The following NYX variants were observed in gnomAD, a reference collection of about 807,000 sequenced individuals.
NYX encodes the protein nyctalopin.
For synonymous variants in NYX, 258 were observed against 245.7 expected, an observed-to-expected ratio of 1.05 and a Z score of -0.47; for missense variants, 481 against 485.4, an observed-to-expected ratio of 0.99 and a Z score of 0.09.
At chrX:41,455,752 C>T (rs933379657) in intron 2 of NYX, among the ~76,000 whole-genome samples, 2 of 111,787 alleles carry the variant, frequency 1.8e-5, no homozygotes, top group Non-Finnish European at 3.8e-5. Context: ...AAATGAGTTT[C>T]ACCTTCTCTT....
chrX:41,474,397 C>T lies in NYX; in HGVS notation c.929C>T (p.Thr310Ile), dbSNP rs1262614477. ...CTGCACCTCAACGGCAACCGCCTCACCGTGCTCGCCTGGGTCGCCTTCCAG... is the reference window on the plus strand; with the variant it reads ...CTGCACCTCAACGGCAACCGCCTCATCGTGCTCGCCTGGGTCGCCTTCCAG... Reference protein sequence around the residue: ...LALHLNGNRLTVLAWVAFQPG... With the variant: ...LALHLNGNRLIVLAWVAFQPG... Residue 310 changes from threonine (T) to isoleucine (I), a missense_variant, in exon 3 of 3, where the codon ACC becomes ATC. By Grantham distance (89) the Thr-to-Ile change is moderately conservative. Coordinates refer to ENST00000378220, the MANE Select transcript of NYX (RefSeq NM_001378477.3). 2.5e-6 allele frequency: 3 copies of T among 1,208,078 alleles called. No homozygotes were observed. The East Asian group carries it at 8.9e-5, about 36-fold the overall frequency.
Position 41,474,856 on chromosome X carries a change from C to T in NYX, c.1388C>T (p.Pro463Leu). ...PWFLLASCLL[P>L]SVAQHVVFGL... ...TTTCTCCTCGCCTCTTGTCTCCTGC[C>T]CAGCGTGGCCCAGCACGTGGTGTTT... is the stretch of plus-strand genomic sequence containing the variant. Residue 463 changes from proline (P) to leucine (L), a missense_variant, in exon 3 of 3, where the codon CCC becomes CTC. By Grantham distance (98) the Pro-to-Leu change is moderately conservative (BLOSUM62 -3). Transcript: ENST00000378220. 1 of 1,206,525 alleles carries T rather than the reference C, an allele frequency of 8.3e-7. No homozygotes were observed. The highest frequency in any genetic ancestry group is 1.1e-6 in the Non-Finnish European group (1 of 893,869).
In NYX at chrX:41,471,840, T is replaced by A. The variant is rs1325974692; in HGVS notation, c.23-1651T>A. ...GTGTATATATATATATGTATTTTTT[T>A]TTTTTTTTCCCCTGGGGTAACTGGT... On this transcript the variant is annotated intron_variant, in intron 2 of 2. Coordinates refer to ENST00000378220, the MANE Select transcript of NYX (RefSeq NM_001378477.3). 3.0e-3 allele frequency among the ~76,000 whole-genome samples: 305 copies of A among 102,602 alleles called. 1 individual carries two copies. Among genetic ancestry groups the A allele is most frequent in the East Asian group, 0.015 (47 of 3,143 alleles). The allele number at this position is 102,602 out of a possible 115,157, so 89.1% of individuals were successfully genotyped here.
intron 2 of NYX, 113 bp downstream of exon 2, chrX:41,448,039 T>C: frequency 1.4e-6 from 1 of 737,073 alleles, no homozygotes; most frequent in South Asian, 2.3e-5. Context: ...TGGACACTTC[T>C]GATCAGGTTT....
Position 41,474,193 on chromosome X carries a change from C to A in NYX, c.725C>A (p.Ala242Asp), listed in dbSNP as rs1602180722. 1 of 1,169,483 alleles carries A rather than the reference C, an allele frequency of 8.6e-7. No individual in the cohort carries two copies. Among genetic ancestry groups the A allele is most frequent in the Non-Finnish European group, 1.1e-6 (1 of 879,178 alleles). Reference sequence around the variant, plus strand: ...GACAACCTGCTGGCCGAGCTCCCGGCCGACGCCTTCCGCGGCCTGCGGCGC... The same window carrying A: ...GACAACCTGCTGGCCGAGCTCCCGGACGACGCCTTCCGCGGCCTGCGGCGC... ...LNDNLLAELP[A>D]DAFRGLRRLR... The change falls in exon 3 of 3, where the codon GCC (alanine) becomes GAC (aspartate). Residue 242 changes from alanine to aspartate, a missense_variant. Coordinates refer to ENST00000378220, the MANE Select transcript of NYX (RefSeq NM_001378477.3).
In NYX at chrX:41,474,967, G is replaced by A; in HGVS notation, c.*68G>A. 5.2e-6 allele frequency: 5 copies of A among 969,808 alleles called. No individual in the cohort carries two copies. The highest frequency in any genetic ancestry group is 4.3e-6 in the Non-Finnish European group (3 of 693,878). 79.9% of individuals were successfully genotyped at this position (969,808 alleles called of 1,213,427 possible). The stretch of plus-strand genomic sequence containing the variant: ...TGTTTGTGGTAAGGGGAGAGGAGCC[G>A]GAATGGAGGGCAGAGGTGAAAATCC... On this transcript the variant is annotated 3_prime_UTR_variant, in exon 3 of 3. Transcript: ENST00000378220.
intron 2 of NYX, among the ~76,000 whole-genome samples, chrX:41,448,209 G>A (rs753140641): frequency 8.9e-6 from 1 of 111,773 alleles, no homozygotes; most frequent in South Asian, 3.8e-4. Flanking sequence ...TCATTGGTGT[G>A]ATAACCAAAA....
At chrX:41,463,492 G>A (rs1199628758) in intron 2 of NYX, among the ~76,000 whole-genome samples, 7 of 106,911 alleles carry the variant, frequency 6.5e-5, no homozygotes, top group Non-Finnish European at 1.2e-4. Flanking sequence ...GCGCAATCTC[G>A]GCTCACTGCA....
chrX:41,466,044 C>T (rs1005034230), intron 2 of NYX, among the ~76,000 whole-genome samples: 2 of 111,432 alleles, frequency 1.8e-5, no homozygotes, highest in Admixed American at 9.6e-5. Context: ...CCTCAATTTC[C>T]AGCCACTGTG....
chrX:41,474,640 C>T lies in NYX; in HGVS notation c.1172C>T (p.Thr391Met). 8.3e-6 allele frequency: 10 copies of T among 1,199,546 alleles called. No homozygotes were observed. Among genetic ancestry groups the T allele is most frequent in the South Asian group, 7.3e-5 (4 of 55,064 alleles). ...GACCCCGAGGAGCTGAACCTCACCA[C>T]GTCCAGTCCAGGCCCGTCCCCAGAA... The part of the protein sequence containing the change: ...CVDPEELNLT[T>M]SSPGPSPEPA... The change falls in exon 3 of 3, where the codon ACG (threonine) becomes ATG (methionine). Residue 391 changes from threonine (T) to methionine (M), a missense_variant. Transcript: ENST00000378220.
intron 2 of NYX, among the ~76,000 whole-genome samples, chrX:41,467,096 G>A (rs898958602): frequency 2.7e-5 from 3 of 109,889 alleles, no homozygotes; most frequent in Admixed American, 9.8e-5. Flanking sequence ...GAGCCACCAC[G>A]CCCAGCTAAA....
intron 2 of NYX, among the ~76,000 whole-genome samples, chrX:41,453,551 G>C (rs1569262689): frequency 9.2e-6 from 1 of 108,936 alleles, no homozygotes; most frequent in Admixed American, 9.9e-5. Flanking sequence ...CGCCTCCCAG[G>C]TTCAAGCTAT....
chrX:41,474,080 C>G lies in NYX; in HGVS notation c.612C>G (p.Arg204=), dbSNP rs1264479907. The G allele has an allele frequency of 9.2e-7, 1 of 1,086,564 alleles. No individual in the cohort carries two copies. The highest frequency in any genetic ancestry group is 1.2e-6 in the Non-Finnish European group (1 of 841,002). The allele number at this position is 1,086,564 out of a possible 1,213,427, so 89.5% of individuals were successfully genotyped here. A position where few individuals can be genotyped will look rare whatever the true frequency, so the allele number is the denominator to read the frequency against. Residue 204 remains arginine, a synonymous_variant, in exon 3 of 3, where the codon CGC becomes CGG. Coordinates refer to ENST00000378220, the MANE Select transcript of NYX (RefSeq NM_001378477.3). ...SSSLQGLRRL[R]SLSLQANRVR... is the part of the protein sequence containing the mutation. ...CGCTGCAGGGCCTGCGCCGCCTGCGCTCGCTCAGCCTGCAGGCCAACCGCG... is the reference window on the plus strand; with the variant it reads ...CGCTGCAGGGCCTGCGCCGCCTGCGGTCGCTCAGCCTGCAGGCCAACCGCG...
In NYX at chrX:41,455,537, C is replaced by A. The variant is rs144250174; in HGVS notation, c.22+7611C>A. Among the ~76,000 whole-genome samples the A allele has an allele frequency of 7.9e-4, 87 of 110,106 alleles. No individual in the cohort carries two copies. In the East Asian group the frequency reaches 0.021, roughly 26 times the overall value. On this transcript the variant is annotated intron_variant, in intron 2 of 2. Coordinates refer to ENST00000378220, the MANE Select transcript of NYX (RefSeq NM_001378477.3). The stretch of plus-strand genomic sequence containing the variant: ...TTTTAAGACCGAATGTTCTGGAAAG[C>A]CTTGCATGTGAATCCCGGGGTGATG...
chrX:41,473,208 G>A (rs1349360220), intron 2 of NYX, among the ~76,000 whole-genome samples: 1 of 111,964 alleles, frequency 8.9e-6, no homozygotes, highest in Non-Finnish European at 1.9e-5. Flanking sequence ...TGGTGGTACA[G>A]GCAGGAGGGA....
At chrX:41,471,465 T>G (rs1020462019) in intron 2 of NYX, among the ~76,000 whole-genome samples, 11 of 112,368 alleles carry the variant, frequency 9.8e-5, no homozygotes, top group Non-Finnish European at 1.5e-4. Context: ...TGCATTCATC[T>G]AAAGACATGT....
Position 41,474,997 on chromosome X carries a change from G to A in NYX, c.*98G>A, listed in dbSNP as rs1781303188. On this transcript the variant is annotated 3_prime_UTR_variant, in exon 3 of 3. Transcript: ENST00000378220. ...GGAGGGCAGAGGTGAAAATCCCAGT[G>A]GAGGGTGGAAGGAACCGTTTGCCTC... 6 of 826,968 alleles carry A rather than the reference G, an allele frequency of 7.3e-6. No homozygotes were observed. The highest frequency in any genetic ancestry group is 1.1e-5 in the Non-Finnish European group (6 of 570,662). The allele number at this position is 826,968 out of a possible 1,213,427, so 68.2% of individuals were successfully genotyped here. A position where few individuals can be genotyped will look rare whatever the true frequency, so the allele number is the denominator to read the frequency against.
chrX:41,473,915 C>T lies in NYX; in HGVS notation c.447C>T (p.Leu149=). Residue 149 remains leucine (L), a synonymous_variant, in exon 3 of 3, where the codon CTC becomes CTT. Coordinates refer to ENST00000378220, the MANE Select transcript of NYX (RefSeq NM_001378477.3). The part of the protein sequence containing the change: ...ACRLFSVPER[L]LAELPALREL... ...GCCTCTTCAGCGTGCCCGAGCGCCTCCTGGCCGAACTGCCGGCCCTGCGCG... is the reference window on the plus strand; with the variant it reads ...GCCTCTTCAGCGTGCCCGAGCGCCTTCTGGCCGAACTGCCGGCCCTGCGCG... 1 of 1,123,760 alleles carries T rather than the reference C, an allele frequency of 8.9e-7. No homozygotes were observed. The highest frequency in any genetic ancestry group is 3.8e-5 in the East Asian group (1 of 26,469). The allele number at this position is 1,123,760 out of a possible 1,213,427, so 92.6% of individuals were successfully genotyped here.
intron 2 of NYX, among the ~76,000 whole-genome samples, chrX:41,453,832 G>GACATTTGTT (rs1385057762): frequency 8.9e-6 from 1 of 112,545 alleles, no homozygotes; most frequent in African/African-American, 3.2e-5. Context: ...TTGGCTGATG[G>GACATTTGTT]ACATTTGTTG....
Sources: allele counts gnomAD v4.1 joint callset (sites outside exome capture counted in the v4.1 genomes callset), GRCh38; gene constraint gnomAD v4.1.1; transcripts MANE v1.5; gene names NCBI Gene and HGNC (gene_info 2026-07-23, HGNC 2026-07-21).